CEP290: variants seen among roughly 807,000 people sequenced by gnomAD.
CEP290 encodes centrosomal protein of 290 kDa.
CEP290 carries 317 observed loss-of-function variants against 344.9 expected under a neutral mutation model. The observed-to-expected ratio is 0.92, with a 90% CI of 0.84 to 1.01. The LOEUF (loss-of-function observed/expected upper bound fraction) is 1.01, where lower values mean the gene tolerates loss of function less well. CEP290 is among the 50% of genes least tolerant of loss of function. The pLI, the probability that CEP290 is intolerant of heterozygous loss-of-function variation, is 0.00. For missense variants in CEP290, 2,754 were observed against 2,761.4 expected, an observed-to-expected ratio of 1.00 and a Z score of 0.06; for synonymous variants, 932 against 895.8, an observed-to-expected ratio of 1.04 and a Z score of -0.72.
chr12:88,114,560 T>C lies in CEP290; in HGVS notation c.1912A>G (p.Lys638Glu), dbSNP rs1345723331. The change falls in exon 20 of 54, where the codon AAA becomes GAA. Residue 638 changes from lysine to glutamate, a missense_variant and splice_region_variant. Lys to Glu is a moderately conservative substitution (Grantham distance 56, BLOSUM62 1). Coordinates refer to ENST00000552810, the MANE Select transcript of CEP290 (RefSeq NM_025114.4). Reference sequence around the variant, plus strand: ...TGCTTATTTTCTTCAACTAATTCTTTTACTGTAATTACACAGTTTTCTCAT... The same window carrying C: ...TGCTTATTTTCTTCAACTAATTCTTCTACTGTAATTACACAGTTTTCTCAT... ...TVIAKFQNKL[K>E]ELVEENKQLE... 1 of 1,536,324 alleles carries C rather than the reference T, an allele frequency of 6.5e-7. No homozygotes were observed. Among genetic ancestry groups the C allele is most frequent in the Admixed American group, 2.1e-5 (1 of 48,450 alleles).
intron 6 of CEP290, among the ~76,000 whole-genome samples, chr12:88,132,099 C>G (rs982036629): frequency 6.6e-6 from 1 of 152,144 alleles, no homozygotes; most frequent in African/African-American, 2.4e-5. Flanking sequence ...GAAAAATGAT[C>G]AGTGAATAGA....
chr12:88,092,918 C>T (rs2037157276), intron 28 of CEP290, 86 bp from the exon 29 acceptor site: 1 of 1,251,606 alleles, frequency 8.0e-7, no homozygotes, highest in East Asian at 2.4e-5. Flanking sequence ...TACTGCAATC[C>T]TCTTTACTTG....
rs1296210160 is a variant in CEP290, at chr12:88,090,850, A to G, written c.3462-11T>C. 3.6e-5 allele frequency: 54 copies of G among 1,494,164 alleles called. No individual in the cohort carries two copies. The highest frequency in any genetic ancestry group is 5.6e-5 in the African/African-American group (4 of 71,906). 92.6% of individuals were successfully genotyped at this position (1,494,164 alleles called of 1,614,324 possible). On this transcript the variant is annotated splice_polypyrimidine_tract_variant and intron_variant, in intron 29 of 53. Transcript: ENST00000552810. ...GAAATCTCTCTCAGTCTAGGAAATGATAAGGTATTTCAGGAACAATTAAGT... is the reference window on the plus strand; with the variant it reads ...GAAATCTCTCTCAGTCTAGGAAATGGTAAGGTATTTCAGGAACAATTAAGT...
chr12:88,122,259 T>C (rs1180535292), intron 13 of CEP290, among the ~76,000 whole-genome samples: 4 of 152,068 alleles, frequency 2.6e-5, no homozygotes, highest in Non-Finnish European at 5.9e-5. Flanking sequence ...CCCTACACAA[T>C]AAACACTATA....
chr12:88,111,071 AT>A (rs746577640), intron 22 of CEP290, 130 bp downstream of exon 22: 5 of 472,614 alleles, frequency 1.1e-5, no homozygotes, highest in Non-Finnish European at 1.8e-5. Flanking sequence ...GAAAAGTACT[AT>A]CTGCATGCTT....
At position 88,077,782 on chromosome 12, in the gene CEP290, T is replaced by C; in HGVS notation, c.5501A>G (p.Asn1834Ser). ...NELQKKQKAY[N>S]KILREKEEID... ...TTCCTCTTTCTCTCTAAGTATTTTA[T>C]TATAGGCTTTTTGTTTCTTTTGCAG... is the stretch of plus-strand genomic sequence containing the variant. The change falls in exon 40 of 54, where the codon AAT (asparagine) becomes AGT (serine). Residue 1834 changes from asparagine to serine, a missense_variant. Transcript: ENST00000552810. 1 of 1,577,384 alleles carries C rather than the reference T, an allele frequency of 6.3e-7. No homozygotes were observed. The highest frequency in any genetic ancestry group is 8.6e-7 in the Non-Finnish European group (1 of 1,158,538).
chr12:88,067,224 A>G (rs1439829305), intron 44 of CEP290, among the ~76,000 whole-genome samples: 1 of 152,188 alleles, frequency 6.6e-6, no homozygotes, highest in Non-Finnish European at 1.5e-5. Context: ...TAAAAAAAAA[A>G]AAAGCACTAA....
chr12:88,136,239 C>A, intron 6 of CEP290: 1 of 171,938 alleles, frequency 5.8e-6, no homozygotes, highest in South Asian at 1.4e-4. Context: ...TCGAAAGATT[C>A]ATTTGCGAAT....
intron 5 of CEP290, among the ~76,000 whole-genome samples, chr12:88,138,599 A>G (rs1430673795): frequency 3.9e-5 from 6 of 151,960 alleles, no homozygotes. Flanking sequence ...GTCATCACCA[A>G]CCCCTCAACT....
intron 39 of CEP290, among the ~76,000 whole-genome samples, chr12:88,078,393 C>T (rs907862360): frequency 2.6e-5 from 4 of 151,966 alleles, no homozygotes; most frequent in African/African-American, 9.7e-5. Context: ...AAAGGAGTTC[C>T]TAGCTGTCCT....
intron 31 of CEP290, 39 bp from the exon 32 acceptor site, chr12:88,087,983 T>TTTGTTAATATAGC: frequency 2.4e-6 from 2 of 822,498 alleles, no homozygotes; most frequent in Non-Finnish European, 3.3e-6. Context: ...ATAAATGCTA[T>TTTGTTAATATAGC]ATTAACAAAT....
At position 88,077,218 on chromosome 12, in the gene CEP290, A is replaced by C. The variant is rs2035845551; in HGVS notation, c.5709+4T>G. On this transcript the variant is annotated splice_donor_region_variant and intron_variant, in intron 41 of 53. Coordinates refer to ENST00000552810, the MANE Select transcript of CEP290 (RefSeq NM_025114.4). ...CATATAAGTCAGTATGTTTCTTCAC[A>C]TACCTTTTCTTTCATAGGTTTTAGG... 6.2e-7 allele frequency: 1 copy of C among 1,600,188 alleles called. No individual in the cohort carries two copies. Among genetic ancestry groups the C allele is most frequent in the Non-Finnish European group, 8.5e-7 (1 of 1,175,584 alleles).
intron 18 of CEP290, chr12:88,115,602 A>T: frequency 2.5e-6 from 3 of 1,223,532 alleles, no homozygotes; most frequent in Non-Finnish European, 3.2e-6. Flanking sequence ...TAGACAAGTC[A>T]ATGAGTTCAT....
intron 41 of CEP290, among the ~76,000 whole-genome samples, chr12:88,075,991 A>G (rs1022074498): frequency 2.6e-5 from 4 of 152,214 alleles, no homozygotes; most frequent in Admixed American, 1.3e-4. Flanking sequence ...AATAAACTGT[A>G]GCATAGAAGA....
intron 13 of CEP290, among the ~76,000 whole-genome samples, chr12:88,124,782 T>C (rs1213448947): frequency 6.6e-6 from 1 of 152,062 alleles, no homozygotes; most frequent in East Asian, 1.9e-4. Flanking sequence ...TTGTAAGAAC[T>C]TATATTCATA....
At chr12:88,051,067 GAT>G (rs1233350636) in intron 52 of CEP290, among the ~76,000 whole-genome samples, 1 of 151,900 alleles carries the variant, frequency 6.6e-6, no homozygotes, top group Non-Finnish European at 1.5e-5. Context: ...ATCTTTGCTA[GAT>G]ATCTCTTTTC....
At chr12:88,056,139 C>T (rs1329827216) in intron 49 of CEP290, among the ~76,000 whole-genome samples, 1 of 151,534 alleles carries the variant, frequency 6.6e-6, no homozygotes, top group African/African-American at 2.4e-5. Context: ...TAGGAAAACA[C>T]TAAGGGAGAG....
At chr12:88,058,078 T>C (rs1212656099) in intron 49 of CEP290, 3 of 152,236 alleles carry the variant, frequency 2.0e-5, no homozygotes, top group Non-Finnish European at 4.4e-5. Flanking sequence ...ATCCCACTGG[T>C]CAATGACTTC....
At chr12:88,131,397 G>C (rs1039807575) in intron 6 of CEP290, among the ~76,000 whole-genome samples, 179 bp from the exon 7 acceptor site, 2 of 151,670 alleles carry the variant, frequency 1.3e-5, no homozygotes, top group Non-Finnish European at 2.9e-5. Flanking sequence ...CGAGTAGCTG[G>C]AATTACTGGC....
Sources: allele counts gnomAD v4.1 joint callset (sites outside exome capture counted in the v4.1 genomes callset), GRCh38; gene constraint gnomAD v4.1.1; transcripts MANE v1.5; gene names NCBI Gene and HGNC (gene_info 2026-07-23, HGNC 2026-07-21).